Variants in MED12L observed in about 807,000 individuals in gnomAD.
MED12L encodes mediator of RNA polymerase II transcription subunit 12-like protein.
MED12L carries 60 observed loss-of-function variants against 281.3 expected under a neutral mutation model. The observed-to-expected ratio is 0.21, with a 90% CI of 0.17 to 0.26. The LOEUF is 0.26. Ranked by LOEUF, MED12L falls within the 10% of genes least tolerant of loss-of-function variation. MED12L has a pLI of 1.00. For missense variants in MED12L, 2,146 were observed against 2,680.9 expected, an observed-to-expected ratio of 0.80 and a Z score of 4.41; for synonymous variants, 974 against 987.2, an observed-to-expected ratio of 0.99 and a Z score of 0.25.
Position 151,165,483 on chromosome 3 carries a change from C to A in MED12L, c.1321C>A (p.Arg441=). The change falls in exon 10 of 45, where the codon CGG becomes AGG. Residue 441 remains arginine, a synonymous_variant. Transcript: ENST00000687756. ...IKQRGRAVEV[R]WSFDKCQEST... ...ACAAAGAGGCCGTGCAGTGGAAGTT[C>A]GGTGGTCATTTGACAAGTGCCAAGA... 1 of 1,613,940 alleles carries A rather than the reference C, an allele frequency of 6.2e-7. No individual in the cohort carries two copies. Among genetic ancestry groups the A allele is most frequent in the South Asian group, 1.1e-5 (1 of 91,054 alleles).
In MED12L at chr3:151,143,221, C is replaced by T. The variant is rs116190869; in HGVS notation, c.557-12940C>T. Reference sequence around the variant, plus strand: ...TTGCTCTAGGGTTATTTTACACGGTCATCTGGCAATATGATGTCTGTCGTA... The same window carrying T: ...TTGCTCTAGGGTTATTTTACACGGTTATCTGGCAATATGATGTCTGTCGTA... On this transcript the variant is annotated intron_variant, in intron 5 of 44. Coordinates refer to ENST00000687756, the MANE Select transcript of MED12L (RefSeq NM_001393769.1). Among the ~76,000 whole-genome samples, 1,280 of 152,238 alleles carry T rather than the reference C, an allele frequency of 8.4e-3. 25 individuals carry two copies. The highest frequency in any genetic ancestry group is 0.029 in the African/African-American group (1,223 of 41,524).
At chr3:151,306,016 T>A (rs1488879366) in intron 16 of MED12L, among the ~76,000 whole-genome samples, 1 of 152,172 alleles carries the variant, frequency 6.6e-6, no homozygotes, top group Non-Finnish European at 1.5e-5. Flanking sequence ...AGCATACGCG[T>A]TGACATCCCT....
At chr3:151,166,497 A>G (rs1181052920) in intron 11 of MED12L, among the ~76,000 whole-genome samples, 1 of 151,960 alleles carries the variant, frequency 6.6e-6, no homozygotes, top group African/African-American at 2.4e-5. Flanking sequence ...CTACCTAGAG[A>G]GAGAAAGGGG....
chr3:151,135,347 G>A (rs891293637), intron 5 of MED12L, among the ~76,000 whole-genome samples: 13 of 152,134 alleles, frequency 8.5e-5, no homozygotes, highest in African/African-American at 3.1e-4. Context: ...GAAATGAATC[G>A]ATACCTTTAA....
At chr3:151,209,765 T>TGA (rs1204227435) in intron 16 of MED12L, among the ~76,000 whole-genome samples, 4 of 152,190 alleles carry the variant, frequency 2.6e-5, no homozygotes, top group Non-Finnish European at 5.9e-5. Context: ...GCAGAACTAA[T>TGA]GACACATACT....
intron 11 of MED12L, among the ~76,000 whole-genome samples, chr3:151,177,575 G>T (rs751999936): frequency 6.6e-6 from 1 of 151,900 alleles, no homozygotes; most frequent in Non-Finnish European, 1.5e-5. Context: ...CTGTAGACTT[G>T]AACTTCTAGG....
intron 11 of MED12L, among the ~76,000 whole-genome samples, chr3:151,181,171 T>C (rs551007801): frequency 5.9e-5 from 9 of 152,176 alleles, no homozygotes; most frequent in South Asian, 2.1e-4. Flanking sequence ...TATTATGTTA[T>C]AGATATTTTT....
intron 2 of MED12L, among the ~76,000 whole-genome samples, chr3:151,087,531 A>C (rs181121113): frequency 6.6e-6 from 1 of 152,238 alleles, no homozygotes; most frequent in Admixed American, 6.5e-5. Flanking sequence ...ATAAATATTT[A>C]GCTCTCTGAA....
intron 16 of MED12L, among the ~76,000 whole-genome samples, chr3:151,217,436 T>C (rs1453878728): frequency 2.0e-5 from 3 of 152,200 alleles, no homozygotes; most frequent in African/African-American, 7.2e-5. Flanking sequence ...CCTTCACTGC[T>C]CCCACCACTT....
At chr3:151,124,749 G>A (rs1024762371) in intron 4 of MED12L, among the ~76,000 whole-genome samples, 3 of 152,170 alleles carry the variant, frequency 2.0e-5, no homozygotes, top group Admixed American at 6.5e-5. Context: ...GCGCCAAGGC[G>A]TTTATCCACA....
chr3:151,289,956 C>G (rs553875912), intron 16 of MED12L, among the ~76,000 whole-genome samples: 9 of 151,968 alleles, frequency 5.9e-5, no homozygotes, highest in Admixed American at 3.3e-4. Flanking sequence ...TCTCGGATCA[C>G]TGCAACCTCC....
At chr3:151,249,635 T>C (rs1477285249) in intron 16 of MED12L, among the ~76,000 whole-genome samples, 1 of 152,170 alleles carries the variant, frequency 6.6e-6, no homozygotes, top group East Asian at 1.9e-4. Context: ...CTACTCCATC[T>C]GTTATCCTGA....
chr3:151,253,999 G>GTTTTT (rs11453294), intron 16 of MED12L, among the ~76,000 whole-genome samples: 2 of 136,906 alleles, frequency 1.5e-5, no homozygotes, highest in African/African-American at 2.7e-5. Context: ...ATTTTTTCTT[G>GTTTTT]TTTTTTTTTT....
chr3:151,390,055 A>C lies in MED12L; in HGVS notation c.5528A>C (p.Gln1843Pro). ...PISSQMMHHP[Q>P]STLWGYNLVG... ...TCCTCCCAAATGATGCACCATCCAC[A>C]GTCCACCTTGTGGGGTTACAACCTC... Residue 1843 changes from glutamine to proline, a missense_variant, in exon 38 of 45, where the codon CAG (glutamine) becomes CCG (proline). Transcript: ENST00000687756. The C allele has an allele frequency of 1.2e-6, 2 of 1,614,172 alleles. No homozygotes were observed. Among genetic ancestry groups the C allele is most frequent in the Admixed American group, 1.7e-5 (1 of 60,026 alleles).
chr3:151,179,815 C>G (rs1722499892), intron 11 of MED12L, among the ~76,000 whole-genome samples: 1 of 152,146 alleles, frequency 6.6e-6, no homozygotes, highest in South Asian at 2.1e-4. Context: ...GAAATAAAAA[C>G]AAACCAAAAA....
rs769335971 is a variant in MED12L, at chr3:151,350,140, C to A, written c.2332C>A (p.Gln778Lys). The change falls in exon 17 of 45, where the codon CAG becomes AAG. Residue 778 changes from glutamine to lysine, a missense_variant. Physicochemically the swap from Gln to Lys is moderately conservative, Grantham distance 53 (BLOSUM62 1). Coordinates refer to ENST00000687756, the MANE Select transcript of MED12L (RefSeq NM_001393769.1). ...CAAAGAGCGTGATGAAGCAAGGCATCAGCTGAAGAAGATTACCAAAGATAT... is the reference window on the plus strand; with the variant it reads ...CAAAGAGCGTGATGAAGCAAGGCATAAGCTGAAGAAGATTACCAAAGATAT... Reference protein sequence around the residue: ...VGKERDEARHQLKKITKDILK... With the variant: ...VGKERDEARHKLKKITKDILK... 6.2e-7 allele frequency: 1 copy of A among 1,613,660 alleles called. No homozygotes were observed. Among genetic ancestry groups the A allele is most frequent in the South Asian group, 1.1e-5 (1 of 91,046 alleles).
At chr3:151,090,892 T>G (rs1719950740) in intron 2 of MED12L, among the ~76,000 whole-genome samples, 1 of 151,906 alleles carries the variant, frequency 6.6e-6, no homozygotes, top group East Asian at 1.9e-4. Flanking sequence ...AATACAAAAA[T>G]TAGCTGGGCA....
At chr3:151,337,313 A>T (rs1204668531) in intron 16 of MED12L, 1 of 154,132 alleles carries the variant, frequency 6.5e-6, no homozygotes, top group Admixed American at 6.4e-5. Flanking sequence ...AATAGTTATT[A>T]TTCTTTGTGT....
At chr3:151,214,298 T>C (rs140551771) in intron 16 of MED12L, 1 of 1,613,464 alleles carries the variant, frequency 6.2e-7, no homozygotes, top group South Asian at 1.1e-5. Flanking sequence ...GGAGGCTGTG[T>C]GGAGGTTGAA....
Sources: allele counts gnomAD v4.1 joint callset (sites outside exome capture counted in the v4.1 genomes callset), GRCh38; gene constraint gnomAD v4.1.1; transcripts MANE v1.5; gene names NCBI Gene and HGNC (gene_info 2026-07-23, HGNC 2026-07-21).